Variants in B4GALT5 observed in about 807,000 individuals in gnomAD.
The protein encoded by B4GALT5 is UDP-Gal:beta-GlcNAc beta-1,4-galactosyltransferase 5.
Under a neutral mutation model 45.0 loss-of-function variants are expected in B4GALT5, and 11 were observed. The ratio of observed to expected loss-of-function variants is 0.24; its 90% CI spans 0.15 to 0.40. The LOEUF (loss-of-function observed/expected upper bound fraction) is 0.40, where lower values mean the gene tolerates loss of function less well. Ranked by LOEUF, B4GALT5 falls within the 10% of genes least tolerant of loss-of-function variation. The pLI is 1.00. For synonymous variants in B4GALT5, 185 were observed against 182.9 expected (o/e 1.01, Z -0.09); for missense variants, 337 against 500.2 (o/e 0.67, Z 3.11).
At chr20:49,640,298 G>A (rs761049388) in intron 6 of B4GALT5, among the ~76,000 whole-genome samples, 180 bp downstream of exon 6, 2 of 152,126 alleles carry the variant, frequency 1.3e-5, no homozygotes, top group African/African-American at 2.4e-5. Flanking sequence ...GTTTTGGCAC[G>A]TATCAGTATT....
chr20:49,662,609 G>T (rs1402669596), intron 1 of B4GALT5, among the ~76,000 whole-genome samples: 1 of 152,176 alleles, frequency 6.6e-6, no homozygotes, highest in African/African-American at 2.4e-5. Context: ...CTTTCTGAGA[G>T]GAACCCAAAA....
chr20:49,691,002 G>T (rs902723841), intron 1 of B4GALT5, among the ~76,000 whole-genome samples: 1 of 152,130 alleles, frequency 6.6e-6, no homozygotes, highest in Admixed American at 6.5e-5. Context: ...ATAATTTAAC[G>T]TAAATTAGCA....
intron 1 of B4GALT5, among the ~76,000 whole-genome samples, chr20:49,703,158 T>C (rs368855510): frequency 1.9e-5 from 2 of 107,082 alleles, no homozygotes; most frequent in Admixed American, 1.2e-4. Flanking sequence ...TGGGCGAGAC[T>C]CCGTCTCAAA....
chr20:49,689,443 A>G (rs1350189244), intron 1 of B4GALT5, among the ~76,000 whole-genome samples: 1 of 152,200 alleles, frequency 6.6e-6, no homozygotes, highest in Non-Finnish European at 1.5e-5. Flanking sequence ...ATCTTTTTTG[A>G]TATCTAATCA....
intron 1 of B4GALT5, among the ~76,000 whole-genome samples, chr20:49,674,410 CTATGCCCGTAAAG>C (rs983138612): frequency 6.6e-6 from 1 of 152,054 alleles, no homozygotes; most frequent in Non-Finnish European, 1.5e-5. Flanking sequence ...CGGGGTTTTT[CTATGCCCGTAAAG>C]TATTCTTTAG....
At chr20:49,661,449 G>C (rs1392306219) in intron 1 of B4GALT5, among the ~76,000 whole-genome samples, 1 of 152,112 alleles carries the variant, frequency 6.6e-6, no homozygotes, top group Non-Finnish European at 1.5e-5. Context: ...TGGCCAGACT[G>C]GTCTTGAACT....
intron 1 of B4GALT5, among the ~76,000 whole-genome samples, chr20:49,690,543 C>CT (rs996585354): frequency 4.9e-5 from 7 of 142,706 alleles, no homozygotes; most frequent in South Asian, 2.6e-4. Context: ...CAGTGAAACT[C>CT]TAACTCAAAA....
intron 1 of B4GALT5, among the ~76,000 whole-genome samples, chr20:49,660,692 A>G (rs1004178556): frequency 6.6e-6 from 1 of 152,196 alleles, no homozygotes; most frequent in African/African-American, 2.4e-5. Flanking sequence ...CTCTATTAAA[A>G]GTCTTGTTAC....
At chr20:49,706,486 T>A (rs1039377084) in intron 1 of B4GALT5, among the ~76,000 whole-genome samples, 1 of 152,186 alleles carries the variant, frequency 6.6e-6, no homozygotes, top group African/African-American at 2.4e-5. Context: ...GTCAAAAGTT[T>A]AGAATTCAAA....
intron 1 of B4GALT5, among the ~76,000 whole-genome samples, chr20:49,666,714 C>T (rs1451922645): frequency 1.3e-5 from 2 of 152,130 alleles, no homozygotes; most frequent in African/African-American, 4.8e-5. Flanking sequence ...ACAAAATGTG[C>T]CAAAGGAATG....
chr20:49,713,659 G>C lies in B4GALT5; in HGVS notation c.32C>G (p.Pro11Arg). The C allele has an allele frequency of 1.3e-6, 2 of 1,558,532 alleles. No individual in the cohort carries two copies. Among genetic ancestry groups the C allele is most frequent in the Admixed American group, 1.9e-5 (1 of 51,976 alleles). MRARRGLLRL[P>R]RRSLLAALFF... ...GAGCGCGGCGAGCAGCGAGCGGCGC[G>C]GCAGCCGCAGCAGCCCCCGGCGGGC... The change falls in exon 1 of 9, where the codon CCG becomes CGG. Residue 11 changes from proline (P) to arginine (R), a missense_variant. Transcript: ENST00000371711.
intron 6 of B4GALT5, 45 bp downstream of exon 6, chr20:49,640,433 T>C (rs1456479872): frequency 2.7e-6 from 4 of 1,488,246 alleles, no homozygotes; most frequent in Non-Finnish European, 2.7e-6. Flanking sequence ...TCGCTCACCA[T>C]CCTTTCAGAT....
rs147845348 is a variant in B4GALT5, at chr20:49,648,623, G to A, written c.251-1545C>T. Among the ~76,000 whole-genome samples the A allele has an allele frequency of 3.2e-3, 491 of 152,142 alleles. 1 individual carries two copies. The highest frequency in any genetic ancestry group is 0.011 in the African/African-American group (469 of 41,508). ...CTACCTACCAAGGTTTTTTGCTGTG[G>A]TCTCCTTTTGTGTTCTCATTCTCAA... On this transcript the variant is annotated intron_variant, in intron 2 of 8. Coordinates refer to ENST00000371711, the MANE Select transcript of B4GALT5 (RefSeq NM_004776.4).
At chr20:49,652,342 T>C (rs1012135560) in intron 2 of B4GALT5, among the ~76,000 whole-genome samples, 10 of 136,502 alleles carry the variant, frequency 7.3e-5, no homozygotes, top group African/African-American at 1.4e-4. Flanking sequence ...CCCCTCCCAT[T>C]TGAGAAAAGA....
At chr20:49,642,296 C>T (rs2085580475) in intron 5 of B4GALT5, among the ~76,000 whole-genome samples, 172 bp downstream of exon 5, 1 of 152,188 alleles carries the variant, frequency 6.6e-6, no homozygotes, top group Non-Finnish European at 1.5e-5. Flanking sequence ...GGGCAACAGA[C>T]ATCTCAAACC....
intron 1 of B4GALT5, among the ~76,000 whole-genome samples, chr20:49,694,750 C>T (rs867780230): frequency 1.3e-5 from 2 of 152,032 alleles, no homozygotes; most frequent in Admixed American, 6.6e-5. Context: ...GAACAATATG[C>T]GCATAACCTG....
At chr20:49,669,625 G>T (rs1356994805) in intron 1 of B4GALT5, among the ~76,000 whole-genome samples, 3 of 151,790 alleles carry the variant, frequency 2.0e-5, no homozygotes, top group African/African-American at 7.3e-5. Context: ...GAACCTGGGA[G>T]GCGGATGTTG....
chr20:49,706,626 G>C (rs945196281), intron 1 of B4GALT5, among the ~76,000 whole-genome samples: 4 of 152,070 alleles, frequency 2.6e-5, no homozygotes, highest in African/African-American at 9.7e-5. Flanking sequence ...GTGTGCAAAG[G>C]CAAGCATACC....
chr20:49,710,447 T>A (rs1011370160), intron 1 of B4GALT5, among the ~76,000 whole-genome samples: 1 of 143,366 alleles, frequency 7.0e-6, no homozygotes, highest in African/African-American at 2.6e-5. Context: ...TGAGACAGAG[T>A]CTCACTCTAT....
Sources: gnomAD v4.1 joint callset for allele counts (sites outside exome capture counted in the v4.1 genomes callset) on GRCh38, gnomAD v4.1.1 for gene constraint, MANE v1.5 for transcripts, NCBI Gene and HGNC (gene_info 2026-07-23, HGNC 2026-07-21) for gene names.